GALNT13: variants seen among roughly 807,000 people sequenced by gnomAD.
GALNT13 encodes the protein polypeptide N-acetylgalactosaminyltransferase 13.
In GALNT13, 28 loss-of-function variants were observed where a neutral mutation model predicts 64.2. The ratio of observed to expected loss-of-function variants is 0.44; its 90% CI spans 0.32 to 0.60. The LOEUF is 0.60. GALNT13 is among the 20% of genes least tolerant of loss of function. GALNT13 has a pLI of 0.05. For synonymous variants in GALNT13, 214 were observed against 224.6 expected (o/e 0.95, Z 0.42); for missense variants, 577 against 669.8 (o/e 0.86, Z 1.53).
chr2:154,264,985 A>G (rs1002131452), intron 8 of GALNT13, among the ~76,000 whole-genome samples: 19 of 150,952 alleles, frequency 1.3e-4, no homozygotes, highest in Non-Finnish European at 2.7e-4. Context: ...AAAAATATAT[A>G]TATATGGAAA....
chr2:153,722,932 G>C, the GALNT13 span, among the ~76,000 whole-genome samples: 1 of 151,534 alleles, frequency 6.6e-6, no homozygotes, highest in Non-Finnish European at 1.5e-5. Flanking sequence ...GAAAAAGAGG[G>C]AATCCTCCCT....
chr2:153,669,240 A>T, the GALNT13 span, among the ~76,000 whole-genome samples: 1 of 152,140 alleles, frequency 6.6e-6, no homozygotes, highest in African/African-American at 2.4e-5. Flanking sequence ...GCACTCATCC[A>T]TGGCCACCAC....
the GALNT13 span, among the ~76,000 whole-genome samples, chr2:153,196,678 G>GA: frequency 3.3e-5 from 5 of 151,936 alleles, no homozygotes; most frequent in Non-Finnish European, 7.4e-5. Context: ...GTTCTCACTG[G>GA]GCACCTTTCT....
chr2:154,014,782 A>G lies in GALNT13; in HGVS notation c.142+70143A>G, dbSNP rs1336823811. Among the ~76,000 whole-genome samples, 77 of 150,210 alleles carry G rather than the reference A, an allele frequency of 5.1e-4. 1 individual carries two copies. The highest frequency in any genetic ancestry group is 2.6e-4 in the Admixed American group (4 of 15,116). On this transcript the variant is annotated intron_variant, in intron 3 of 12. Coordinates refer to ENST00000392825, the MANE Select transcript of GALNT13 (RefSeq NM_052917.4). ...CCAGTAGCTGGGACTACAGGCGCCC[A>G]CCACCACTCCCAGCTAATTTTTGTA...
the GALNT13 span, among the ~76,000 whole-genome samples, chr2:153,112,758 C>G: frequency 1.3e-5 from 2 of 152,052 alleles, no homozygotes; most frequent in Admixed American, 6.6e-5. Context: ...AAAAGACACA[C>G]AATTTATTAG....
intron 8 of GALNT13, among the ~76,000 whole-genome samples, chr2:154,262,696 G>T (rs1027918775): frequency 1.3e-5 from 2 of 152,060 alleles, no homozygotes; most frequent in Non-Finnish European, 2.9e-5. Context: ...ATGGAACTTA[G>T]ATTTTGGAGA....
At chr2:153,501,622 G>A in the GALNT13 span, among the ~76,000 whole-genome samples, 11 of 152,196 alleles carry the variant, frequency 7.2e-5, no homozygotes, top group South Asian at 2.1e-4. Context: ...ATGAGCCTCC[G>A]CACCCGGCCA....
chr2:153,460,615 T>G, the GALNT13 span, among the ~76,000 whole-genome samples: 3 of 152,230 alleles, frequency 2.0e-5, no homozygotes, highest in East Asian at 5.8e-4. Flanking sequence ...ATATTCAGTG[T>G]GGGGTTAAAG....
intron 3 of GALNT13, among the ~76,000 whole-genome samples, chr2:153,960,870 T>C (rs1692895185): frequency 6.6e-6 from 1 of 152,218 alleles, no homozygotes; most frequent in Non-Finnish European, 1.5e-5. Context: ...ACTGAAGTTT[T>C]ATTCATTAAT....
In GALNT13 at chr2:154,030,267, G is replaced by A. The variant is rs150905077; in HGVS notation, c.142+85628G>A. Among the ~76,000 whole-genome samples the A allele has an allele frequency of 3.3e-5, 5 of 152,078 alleles. No homozygotes were observed. In the East Asian group the frequency reaches 7.7e-4, roughly 24 times the overall value. ...ACCCATATTCAAATTGCTAAACACC[G>A]AAGTTAAAAAGAAAATTTGGAAGAC... On this transcript the variant is annotated intron_variant, in intron 3 of 12. Coordinates refer to ENST00000392825, the MANE Select transcript of GALNT13 (RefSeq NM_052917.4).
At chr2:153,563,322 T>C in the GALNT13 span, among the ~76,000 whole-genome samples, 26 of 152,258 alleles carry the variant, frequency 1.7e-4, no homozygotes, top group Non-Finnish European at 3.7e-4. Context: ...TTATTCGCTT[T>C]AGTTTTCTTA....
intron 9 of GALNT13, among the ~76,000 whole-genome samples, chr2:154,320,745 C>A (rs1694577343): frequency 6.6e-6 from 1 of 152,142 alleles, no homozygotes; most frequent in South Asian, 2.1e-4. Context: ...ACCAGAAAGG[C>A]TGAAGAAGGC....
chr2:153,731,464 C>G, the GALNT13 span, among the ~76,000 whole-genome samples: 1 of 151,742 alleles, frequency 6.6e-6, no homozygotes, highest in East Asian at 1.9e-4. Context: ...GTCTTTGTAG[C>G]AAAACTGTAC....
the GALNT13 span, among the ~76,000 whole-genome samples, chr2:153,164,135 ATTTAT>A: frequency 6.6e-6 from 1 of 151,796 alleles, no homozygotes; most frequent in Non-Finnish European, 1.5e-5. Context: ...TTTATTTCTT[ATTTAT>A]TTTATTTTTA....
chr2:153,174,656 T>C, the GALNT13 span, among the ~76,000 whole-genome samples: 1 of 152,184 alleles, frequency 6.6e-6, no homozygotes, highest in Admixed American at 6.5e-5. Flanking sequence ...GAATAATGAA[T>C]ACAGGTTCAT....
At chr2:154,201,147 G>A (rs945523556) in intron 4 of GALNT13, among the ~76,000 whole-genome samples, 8 of 152,062 alleles carry the variant, frequency 5.3e-5, no homozygotes, top group African/African-American at 1.9e-4. Context: ...AGAAATTGTG[G>A]TCAGCCTACA....
chr2:153,096,245 T>C, the GALNT13 span, among the ~76,000 whole-genome samples: 1 of 150,700 alleles, frequency 6.6e-6, no homozygotes, highest in African/African-American at 2.4e-5. Context: ...TTTTAGTTTG[T>C]TTTTTTTTGG....
chr2:154,227,235 G>T (rs1043233789), intron 4 of GALNT13, among the ~76,000 whole-genome samples: 3 of 152,062 alleles, frequency 2.0e-5, no homozygotes, highest in African/African-American at 7.2e-5. Context: ...GTCTCACTGA[G>T]AAAAGGGTGA....
chr2:154,288,566 A>G (rs753754802), intron 8 of GALNT13, among the ~76,000 whole-genome samples: 6 of 152,164 alleles, frequency 3.9e-5, no homozygotes. Context: ...CCTAAATACA[A>G]TGGGGGTACA....
Sources: gnomAD v4.1 joint callset for allele counts (sites outside exome capture counted in the v4.1 genomes callset) on GRCh38, gnomAD v4.1.1 for gene constraint, MANE v1.5 for transcripts, NCBI Gene and HGNC (gene_info 2026-07-23, HGNC 2026-07-21) for gene names.